SYNE2: variants seen among roughly 807,000 people sequenced by gnomAD.
SYNE2 encodes spectrin repeat containing nuclear envelope protein 2.
SYNE2 carries 431 observed loss-of-function variants against 856.3 expected under a neutral mutation model. The observed-to-expected ratio is 0.50, with a 90% CI of 0.47 to 0.55. The LOEUF is 0.55. Ranked by LOEUF, SYNE2 falls within the 20% of genes least tolerant of loss-of-function variation. The pLI is 0.00. For synonymous variants in SYNE2, 2,923 were observed against 2,872.3 expected, an observed-to-expected ratio of 1.02 and a Z score of -0.56; for missense variants, 8,129 against 8,023.2, an observed-to-expected ratio of 1.01 and a Z score of -0.50.
At chr14:63,814,485 TTA>T (rs924738504) in intron 1 of SYNE2, among the ~76,000 whole-genome samples, 2 of 35,928 alleles carry the variant, frequency 5.6e-5, no homozygotes, top group Non-Finnish European at 1.4e-4. Context: ...ATATATATCC[TTA>T]TATATATCCA....
rs535814890 is a variant in SYNE2 at position 63,907,618 on chromosome 14, G to T, written c.-51-1480G>T. On this transcript the variant is annotated intron_variant, in intron 1 of 115. Coordinates refer to ENST00000555002, the MANE Select transcript of SYNE2 (RefSeq NM_182914.3). ...TTAAATAGCGATGACATGGAATAGT[G>T]TGTGCCCTTAGAAAATTCATTCTGG... Among the ~76,000 whole-genome samples, 150 of 151,852 alleles carry T rather than the reference G, an allele frequency of 9.9e-4. 1 individual carries two copies. Among genetic ancestry groups the T allele is most frequent in the Non-Finnish European group, 1.8e-3 (120 of 67,952 alleles).
At position 64,127,914 on chromosome 14, in the gene SYNE2, A is replaced by AC. The variant is rs1200336325; in HGVS notation, c.13918-537dup. On this transcript the variant is annotated intron_variant, in intron 73 of 115. Coordinates refer to ENST00000555002, the MANE Select transcript of SYNE2 (RefSeq NM_182914.3). Reference sequence around the variant, plus strand: ...ACAAATGACCCATTTTTTCACATACACACATTCAAGAAACAAAAAAAGTGG... The same window carrying AC: ...ACAAATGACCCATTTTTTCACATACACCACATTCAAGAAACAAAAAAAGTGG... Among the ~76,000 whole-genome samples, 5 of 152,314 alleles carry AC rather than the reference A, an allele frequency of 3.3e-5. No homozygotes were observed. The East Asian group carries it at 9.6e-4, about 29-fold the overall frequency.
intron 8 of SYNE2, among the ~76,000 whole-genome samples, chr14:63,958,107 GA>G (rs2096263757): frequency 1.3e-5 from 2 of 152,134 alleles, no homozygotes; most frequent in South Asian, 4.1e-4. Context: ...AAATTGAGAA[GA>G]TAGTGCAGTA....
At chr14:64,047,874 C>A in intron 45 of SYNE2, 126 bp from the exon 46 acceptor site, 1 of 1,038,204 alleles carries the variant, frequency 9.6e-7, no homozygotes, top group Non-Finnish European at 1.4e-6. Flanking sequence ...TCGTAGTGCC[C>A]AAATATACTT....
chr14:64,165,037 A>C (rs2098365040), intron 89 of SYNE2, among the ~76,000 whole-genome samples: 1 of 151,540 alleles, frequency 6.6e-6, no homozygotes, highest in South Asian at 2.1e-4. Flanking sequence ...ACAGGCTCAC[A>C]CCACTATGCC....
chr14:63,882,807 A>G (rs1051223763), intron 1 of SYNE2, among the ~76,000 whole-genome samples: 19 of 152,256 alleles, frequency 1.2e-4, no homozygotes, highest in Non-Finnish European at 2.4e-4. Context: ...AGAGGTTGAG[A>G]CTTTGGACTC....
intron 1 of SYNE2, among the ~76,000 whole-genome samples, chr14:63,855,724 A>G (rs1482626190): frequency 2.6e-5 from 4 of 152,076 alleles, no homozygotes; most frequent in African/African-American, 7.2e-5. Context: ...TGGCTATATC[A>G]TATGTTGCTT....
intron 99 of SYNE2, among the ~76,000 whole-genome samples, chr14:64,198,656 G>C (rs1336822033): frequency 6.6e-6 from 1 of 151,906 alleles, no homozygotes; most frequent in Non-Finnish European, 1.5e-5. Context: ...TCTTTAACTT[G>C]CACTAAGTAT....
intron 6 of SYNE2, among the ~76,000 whole-genome samples, chr14:63,945,128 A>G (rs1313757998): frequency 4.5e-5 from 5 of 110,860 alleles, no homozygotes; most frequent in Non-Finnish European, 9.6e-5. Flanking sequence ...TTTTTTTTTA[A>G]TTAAAAAATT....
chr14:63,917,441 TGCTTTGATATTAA>T (rs1595621461), intron 2 of SYNE2, among the ~76,000 whole-genome samples: 2 of 152,308 alleles, frequency 1.3e-5, no homozygotes, highest in East Asian at 3.9e-4. Flanking sequence ...GAAGTTTGTT[TGCTTTGATATTAA>T]GCTTTATAAT....
chr14:63,773,930 A>T (rs1157780651), intron 1 of SYNE2, among the ~76,000 whole-genome samples: 1 of 152,202 alleles, frequency 6.6e-6, no homozygotes, highest in African/African-American at 2.4e-5. Flanking sequence ...CTGACCTCTC[A>T]TAGGACTTTT....
chr14:64,004,668 C>G (rs2096782733), intron 30 of SYNE2, among the ~76,000 whole-genome samples: 1 of 152,136 alleles, frequency 6.6e-6, no homozygotes, highest in South Asian at 2.1e-4. Context: ...TTTCTGTCTC[C>G]TTCTCTGCCC....
rs76680332 is a variant in SYNE2, at chr14:63,999,757, G to T, written c.3480+717G>T. On this transcript the variant is annotated intron_variant, in intron 27 of 115. Transcript: ENST00000555002. ...TAGAGGGAACCCTCACAGATGGAGG[G>T]CCATAGGTAGTTCCTACAACATCCT... Among the ~76,000 whole-genome samples, 1,487 of 152,294 alleles carry T rather than the reference G, an allele frequency of 9.8e-3. 27 individuals carry two copies. The highest frequency in any genetic ancestry group is 0.034 in the African/African-American group (1,404 of 41,556).
intron 1 of SYNE2, among the ~76,000 whole-genome samples, chr14:63,847,926 G>A (rs960002651): frequency 1.3e-5 from 2 of 151,438 alleles, no homozygotes; most frequent in Non-Finnish European, 2.9e-5. Context: ...CACTCTTGTC[G>A]CCCAGGCTGG....
At chr14:63,945,269 A>G (rs2096008503) in intron 6 of SYNE2, among the ~76,000 whole-genome samples, 2 of 151,980 alleles carry the variant, frequency 1.3e-5, no homozygotes, top group African/African-American at 2.4e-5. Flanking sequence ...AAAATATAGA[A>G]CTTTGCCAGC....
At chr14:64,162,702 T>C (rs1470815190) in intron 88 of SYNE2, 2 of 283,078 alleles carry the variant, frequency 7.1e-6, no homozygotes, top group African/African-American at 2.2e-5. Context: ...TCAGACTACA[T>C]TAAAGACTTG....
At chr14:63,919,004 C>T (rs556743887) in intron 2 of SYNE2, among the ~76,000 whole-genome samples, 6 of 152,250 alleles carry the variant, frequency 3.9e-5, no homozygotes, top group Admixed American at 1.3e-4. Context: ...GTTTTGATGT[C>T]TTCAAAATAG....
intron 1 of SYNE2, among the ~76,000 whole-genome samples, chr14:63,856,562 T>G (rs1891790026): frequency 6.6e-6 from 1 of 152,198 alleles, no homozygotes; most frequent in South Asian, 2.1e-4. Flanking sequence ...CCTTTTTTAT[T>G]ATTGTGAAAT....
intron 65 of SYNE2, 75 bp from the exon 66 acceptor site, chr14:64,113,266 T>G: frequency 6.2e-7 from 1 of 1,609,332 alleles, no homozygotes; most frequent in East Asian, 2.2e-5. Context: ...GGGGAAATGT[T>G]GCAGGTTCCC....
Sources: gnomAD v4.1 joint callset for allele counts (sites outside exome capture counted in the v4.1 genomes callset) on GRCh38, gnomAD v4.1.1 for gene constraint, MANE v1.5 for transcripts, NCBI Gene and HGNC (gene_info 2026-07-23, HGNC 2026-07-21) for gene names.